CD36: variants seen among roughly 807,000 people sequenced by gnomAD.
CD36 encodes the protein CD36 molecule (CD36 blood group).
CD36 carries 119 observed loss-of-function variants against 55.2 expected under a neutral mutation model. That is an observed-to-expected ratio of 2.15 (90% CI 1.86 to 2.51). CD36 has a LOEUF of 2.51. CD36 is among the 30% of genes most tolerant of loss of function. CD36 has a pLI of 0.00. For missense variants in CD36, 819 were observed against 555.5 expected (o/e 1.47, Z -4.77); for synonymous variants, 186 against 193.6 (o/e 0.96, Z 0.33).
chr7:80,613,248 CAA>C (rs1430696218), intron 1 of CD36, among the ~76,000 whole-genome samples: 1 of 152,030 alleles, frequency 6.6e-6, no homozygotes, highest in African/African-American at 2.4e-5. Context: ...ATGATAAATT[CAA>C]AGTTTCAGTG....
chr7:80,633,216 G>C (rs1176156558), intron 1 of CD36: 1 of 151,870 alleles, frequency 6.6e-6, no homozygotes, highest in East Asian at 1.9e-4. Context: ...TTTGCAAGCT[G>C]TTCAAGTAAG....
intron 3 of CD36, among the ~76,000 whole-genome samples, chr7:80,652,941 G>T (rs1212236180): frequency 6.6e-6 from 1 of 152,058 alleles, no homozygotes; most frequent in East Asian, 1.9e-4. Context: ...ACATGAAAAT[G>T]CCAAAATTCA....
In CD36 at chr7:80,656,667, T is replaced by C. The variant is rs1796114131; in HGVS notation, c.248T>C (p.Ile83Thr). 1 of 1,613,816 alleles carries C rather than the reference T, an allele frequency of 6.2e-7. No homozygotes were observed. Among genetic ancestry groups the C allele is most frequent in the East Asian group, 2.2e-5 (1 of 44,814 alleles). ...GAAGTGATGATGAACAGCAGCAACA[T>C]TCAAGTTAAGCAAAGAGGTCCTTAT... Reference protein sequence around the residue: ...PQEVMMNSSNIQVKQRGPYTY... With the variant: ...PQEVMMNSSNTQVKQRGPYTY... The change falls in exon 4 of 15, where the codon ATT becomes ACT. Residue 83 changes from isoleucine (I) to threonine (T), a missense_variant. By Grantham distance (89) the Ile-to-Thr change is moderately conservative. Coordinates refer to ENST00000447544, the MANE Select transcript of CD36 (RefSeq NM_001001548.3).
intron 1 of CD36, among the ~76,000 whole-genome samples, chr7:80,603,471 A>G: frequency 6.6e-6 from 1 of 152,182 alleles, no homozygotes; most frequent in East Asian, 1.9e-4. Context: ...TGGGATCTCT[A>G]TCTCAAAGAG....
chr7:80,672,515 T>G (rs572074433), intron 11 of CD36, among the ~76,000 whole-genome samples: 4 of 152,020 alleles, frequency 2.6e-5, no homozygotes, highest in African/African-American at 9.6e-5. Context: ...ATTTTTGATT[T>G]TTTAAAAACC....
In CD36 at chr7:80,667,206, C is replaced by T. The variant is rs536847552; in HGVS notation, c.748+717C>T. Among the ~76,000 whole-genome samples, 5 of 152,066 alleles carry T rather than the reference C, an allele frequency of 3.3e-5. No individual in the cohort carries two copies. The East Asian group carries it at 5.8e-4, about 18-fold the overall frequency. ...ACTTTGGGAGACCAAGGCAGGTAGA[C>T]TACTTGTGCCCCGGAGGTTGAGACC... On this transcript the variant is annotated intron_variant, in intron 8 of 14. Transcript: ENST00000447544.
intron 1 of CD36, among the ~76,000 whole-genome samples, chr7:80,605,487 T>TG (rs1480694211): frequency 2.7e-5 from 4 of 148,138 alleles, no homozygotes; most frequent in Non-Finnish European, 4.4e-5. Context: ...TATCAGTCTC[T>TG]GGGGGAAAAA....
chr7:80,628,002 G>A (rs547514138), intron 1 of CD36, among the ~76,000 whole-genome samples: 12 of 152,004 alleles, frequency 7.9e-5, no homozygotes, highest in Non-Finnish European at 1.6e-4. Context: ...TTAAAAAAGA[G>A]TACATCTGTT....
chr7:80,615,457 A>G (rs543371865), intron 1 of CD36, among the ~76,000 whole-genome samples: 1 of 152,190 alleles, frequency 6.6e-6, no homozygotes, highest in Admixed American at 6.5e-5. Flanking sequence ...TTGCCTCTGA[A>G]TTTATGCATG....
intron 1 of CD36, among the ~76,000 whole-genome samples, chr7:80,605,552 T>C (rs1792498364): frequency 6.6e-6 from 1 of 152,188 alleles, no homozygotes; most frequent in Non-Finnish European, 1.5e-5. Flanking sequence ...AGGAAGATAC[T>C]GTCAGAGTTG....
intron 1 of CD36, among the ~76,000 whole-genome samples, chr7:80,630,018 C>A (rs1181194892): frequency 4.0e-5 from 6 of 151,720 alleles, no homozygotes; most frequent in Non-Finnish European, 8.8e-5. Context: ...GATGACATGG[C>A]AGATAAGCCA....
chr7:80,677,613 C>CTA lies in CD36; in HGVS notation c.*1230_*1231insTA. 6.6e-6 allele frequency: 1 copy of CTA among 152,156 alleles called. No homozygotes were observed. Among genetic ancestry groups the CTA allele is most frequent in the East Asian group, 1.9e-4 (1 of 5,168 alleles). 9.4% of individuals were successfully genotyped at this position (152,156 alleles called of 1,614,324 possible). A position where few individuals can be genotyped will look rare whatever the true frequency, so the allele number is the denominator to read the frequency against. ...CTGGGAAGATAAAAGAAGTATCTGT[C>CTA]CAAGATATTAATATGTAAGATAACA... On this transcript the variant is annotated 3_prime_UTR_variant, in exon 15 of 15. Transcript: ENST00000447544.
At chr7:80,618,062 T>C (rs150857727) in intron 1 of CD36, among the ~76,000 whole-genome samples, 1 of 152,056 alleles carries the variant, frequency 6.6e-6, no homozygotes, top group Admixed American at 6.5e-5. Context: ...ATGCTTTTGG[T>C]TTTTTTTACA....
chr7:80,669,407 T>A (rs1797427286), intron 8 of CD36, among the ~76,000 whole-genome samples: 2 of 152,144 alleles, frequency 1.3e-5, no homozygotes, highest in African/African-American at 4.8e-5. Context: ...TTAAAATATT[T>A]TGGATATTAA....
chr7:80,669,995 T>G lies in CD36; in HGVS notation c.791T>G (p.Leu264Trp), dbSNP rs535549168. The G allele has an allele frequency of 6.2e-7, 1 of 1,611,482 alleles. No individual in the cohort carries two copies. Among genetic ancestry groups the G allele is most frequent in the East Asian group, 2.2e-5 (1 of 44,838 alleles). The change falls in exon 9 of 15, where the codon TTG becomes TGG. Residue 264 changes from leucine to tryptophan, a missense_variant. Transcript: ENST00000447544. Reference sequence around the variant, plus strand: ...CCTTTTGTTGAGAAAAGCCAGGTATTGCAGTTCTTTTCTTCTGATATTTGC... The same window carrying G: ...CCTTTTGTTGAGAAAAGCCAGGTATGGCAGTTCTTTTCTTCTGATATTTGC... ...FPPFVEKSQV[L>W]QFFSSDICRS...
At chr7:80,635,206 T>C (rs1291082149), upstream of CD36, among the ~76,000 whole-genome samples, 1 of 152,170 alleles carries the variant, frequency 6.6e-6, no homozygotes, top group Non-Finnish European at 1.5e-5. Flanking sequence ...TTGCTTTCTC[T>C]CCATACTTAA....
upstream of CD36, among the ~76,000 whole-genome samples, chr7:80,637,207 G>A (rs771064232): frequency 1.3e-5 from 2 of 151,822 alleles, no homozygotes; most frequent in African/African-American, 4.8e-5. Context: ...GAGAATTAAG[G>A]TTGAGAAATA....
At chr7:80,604,350 ATTTTTTTTTTTTTTTTTTTTTTTTTTT>A (rs67213422) in intron 1 of CD36, among the ~76,000 whole-genome samples, 10 of 54,280 alleles carry the variant, frequency 1.8e-4, no homozygotes, top group South Asian at 1.1e-3. Flanking sequence ...AGCCACTGGA[ATTTTTTTTTTTTTTTTTTTTTTTTTTT>A]TTTTTTTTTT....
In CD36 at chr7:80,678,999, G is replaced by T. The variant is rs1798249175; in HGVS notation, c.*2616G>T. ...CCAATGTATTAGTGACTCTGTGGCT[G>T]CTCTCTTCACCTGCCCCTTGTGGCC... On this transcript the variant is annotated 3_prime_UTR_variant, in exon 15 of 15. Transcript: ENST00000447544. 1 of 152,188 alleles carries T rather than the reference G, an allele frequency of 6.6e-6. No homozygotes were observed. The allele number at this position is 152,188 out of a possible 1,614,324, so 9.4% of individuals were successfully genotyped here.
Sources: gnomAD v4.1 joint callset for allele counts (sites outside exome capture counted in the v4.1 genomes callset) on GRCh38, gnomAD v4.1.1 for gene constraint, MANE v1.5 for transcripts, NCBI Gene and HGNC (gene_info 2026-07-23, HGNC 2026-07-21) for gene names.